The following COL6A1 variants were observed in gnomAD, a reference collection of about 807,000 sequenced individuals.
COL6A1 encodes the protein collagen alpha-1(VI) chain.
A neutral mutation model predicts 145.6 loss-of-function variants in COL6A1; 80 were observed. The observed-to-expected ratio is 0.55, with a 90% CI of 0.46 to 0.66. The LOEUF is 0.66. Ranked by LOEUF, COL6A1 falls within the 30% of genes least tolerant of loss-of-function variation. The probability of loss-of-function intolerance (pLI) is 0.00; values close to 1 mark genes in which losing one functional copy is unlikely to be tolerated. For synonymous variants in COL6A1, 638 were observed against 622.8 expected, an observed-to-expected ratio of 1.02 and a Z score of -0.36; for missense variants, 1,364 against 1,473.8, an observed-to-expected ratio of 0.93 and a Z score of 1.22.
chr21:45,986,576 AC>A lies in COL6A1; in HGVS notation c.484del (p.Leu162TrpfsTer15). ...TACCTGATTGTGGTGACCGACGGGC[AC>A]CCCCTGGAGGGCTACAAGGAACCCT... ...NKYLIVVTDGHPLEGYKEPCG... is the reference protein window; with the variant it reads ...NKYLIVVTDGXPLEGYKEPCG... On this transcript the variant is annotated frameshift_variant, in exon 4 of 35. Transcript: ENST00000361866. LOFTEE classifies it high-confidence loss of function. 1 of 1,563,422 alleles carries A rather than the reference AC, an allele frequency of 6.4e-7. No individual in the cohort carries two copies. Among genetic ancestry groups the A allele is most frequent in the Non-Finnish European group, 8.7e-7 (1 of 1,154,534 alleles).
chr21:45,987,859 G>T (rs1343116901), intron 8 of COL6A1, among the ~76,000 whole-genome samples: 5 of 7,238 alleles, frequency 6.9e-4, no homozygotes, highest in African/African-American at 2.1e-3. Flanking sequence ...GGAGGGGACG[G>T]CGGGGTCCAG....
chr21:45,997,141 C>T (rs1035574536), intron 20 of COL6A1, among the ~76,000 whole-genome samples: 2 of 128,730 alleles, frequency 1.6e-5, no homozygotes, highest in African/African-American at 5.4e-5. Flanking sequence ...ACCAGCCGGG[C>T]GCCCACCAAA....
rs2077859832 is a variant in COL6A1, at chr21:46,003,316, A to T, written c.2465-75A>T. ...GTGCCGTGCCCTCTCTGGGGAGCTT[A>T]GACGCTCTCTGGCCGGCCCACTGCG... is the stretch of plus-strand genomic sequence containing the variant. On this transcript the variant is annotated intron_variant, in intron 34 of 34. Transcript: ENST00000361866. 9 of 1,602,568 alleles carry T rather than the reference A, an allele frequency of 5.6e-6. No individual in the cohort carries two copies. The South Asian group carries it at 9.9e-5, about 18-fold the overall frequency.
chr21:46,002,063 C>G lies in COL6A1; in HGVS notation c.2059C>G (p.Leu687Val), dbSNP rs1321709489. The change falls in exon 31 of 35, where the codon CTC becomes GTC. Residue 687 changes from leucine (L) to valine (V), a missense_variant. Around this residue, in one of 3 missense-constraint regions of COL6A1, gnomAD observed 938 missense variants for 1,003.8 expected, o/e 0.93. Coordinates refer to ENST00000361866, the MANE Select transcript of COL6A1 (RefSeq NM_001848.3). The part of the protein sequence containing the change: ...RSPSIRNVQE[L>V]KEAIKSLQWM... ...CCCCAGCATCCGGAACGTGCAGGAG[C>G]TCAAGGAGTGAGTGCCCCACGCGGC... 6.2e-7 allele frequency: 1 copy of G among 1,611,176 alleles called. No homozygotes were observed. The highest frequency in any genetic ancestry group is 1.7e-5 in the Admixed American group (1 of 59,884).
intron 21 of COL6A1, 41 bp downstream of exon 21, chr21:45,997,524 G>GC (rs1569518669): frequency 1.2e-6 from 2 of 1,600,968 alleles, no homozygotes; most frequent in Admixed American, 1.7e-5. Flanking sequence ...ACCCAGGGGG[G>GC]CCTGAGGATC....
chr21:45,999,545 G>C, intron 26 of COL6A1, 112 bp from the exon 27 acceptor site: 1 of 1,175,926 alleles, frequency 8.5e-7, no homozygotes, highest in Non-Finnish European at 1.2e-6. Flanking sequence ...GGAGGGACCG[G>C]GCAGGGGTGG....
Position 46,000,742 on chromosome 21 carries a change from C to T in COL6A1, c.1814-17C>T, listed in dbSNP as rs1328717590. ...GCGGCCCTGACTGGTCTAACTGACT[C>T]TTTCTCTTCTCCTCAGCTTGCTGTG... On this transcript the variant is annotated splice_polypyrimidine_tract_variant and intron_variant, in intron 28 of 34. Coordinates refer to ENST00000361866, the MANE Select transcript of COL6A1 (RefSeq NM_001848.3). 6.2e-7 allele frequency: 1 copy of T among 1,613,980 alleles called. No individual in the cohort carries two copies.
chr21:45,984,456 C>T lies in COL6A1; in HGVS notation c.415C>T (p.Gln139Ter). 1 of 1,610,606 alleles carries T rather than the reference C, an allele frequency of 6.2e-7. No individual in the cohort carries two copies. Among genetic ancestry groups the T allele is most frequent in the Non-Finnish European group, 8.5e-7 (1 of 1,179,892 alleles). The change falls in exon 3 of 35, where the codon CAG becomes TAG. Residue 139 changes from glutamine (Q) to a stop codon, truncating the protein, a stop_gained. Transcript: ENST00000361866. LOFTEE classifies it high-confidence loss of function. ...CTGCGCTATCAAGAAGGGGCTGGAG[C>T]AGCTCCTCGTGGGGTGAGTGGCCCC... ...TDCAIKKGLE[Q>*]LLVGGSHLKE...
rs774978469 is a variant in COL6A1 at position 45,987,143 on chromosome 21, T to A, written c.718-12T>A. On this transcript the variant is annotated splice_polypyrimidine_tract_variant and intron_variant, in intron 5 of 34. Coordinates refer to ENST00000361866, the MANE Select transcript of COL6A1 (RefSeq NM_001848.3). ...GTGGAAAGTAATTCTGCGTTTCCATTTCTCTTTCCAGAAAAATAACGTGGA... is the reference window on the plus strand; with the variant it reads ...GTGGAAAGTAATTCTGCGTTTCCATATCTCTTTCCAGAAAAATAACGTGGA... The A allele has an allele frequency of 6.3e-7, 1 of 1,597,428 alleles. No homozygotes were observed. Among genetic ancestry groups the A allele is most frequent in the Non-Finnish European group, 8.5e-7 (1 of 1,174,232 alleles).
chr21:45,997,613 G>GTCT, intron 21 of COL6A1, 87 bp from the exon 22 acceptor site: 1 of 1,544,472 alleles, frequency 6.5e-7, no homozygotes, highest in South Asian at 1.2e-5. Context: ...CTCCCGATGG[G>GTCT]ACCTCTCCCG....
intron 19 of COL6A1, among the ~76,000 whole-genome samples, chr21:45,993,367 G>T (rs754086378): frequency 7.2e-5 from 11 of 152,232 alleles, no homozygotes; most frequent in Admixed American, 1.3e-4. Flanking sequence ...TGTGCTGGAT[G>T]TGGGGCGGGG....
In COL6A1 at chr21:46,001,127, A is replaced by G. The variant is rs2077842193; in HGVS notation, c.1823-126A>G. 8.1e-6 allele frequency: 11 copies of G among 1,351,090 alleles called. No homozygotes were observed. The South Asian group carries it at 1.3e-4, about 16-fold the overall frequency. 83.7% of individuals were successfully genotyped at this position (1,351,090 alleles called of 1,614,324 possible). A position where few individuals can be genotyped will look rare whatever the true frequency, so the allele number is the denominator to read the frequency against. On this transcript the variant is annotated intron_variant, in intron 29 of 34. Coordinates refer to ENST00000361866, the MANE Select transcript of COL6A1 (RefSeq NM_001848.3). ...GAGGGGGTGGGCTTTTCTGGGGCTG[A>G]GACGGGGGGACCCCAACGTGTCAGG...
chr21:46,000,872 G>A (rs1041079120), intron 29 of COL6A1, 105 bp downstream of exon 29: 24 of 1,404,750 alleles, frequency 1.7e-5, no homozygotes, highest in Middle Eastern at 1.8e-4. Context: ...TCTGGTCCCC[G>A]CCCGCAGCTC....
Position 45,993,263 on chromosome 21 carries a change from G to A in COL6A1, c.1335+453G>A, listed in dbSNP as rs375819470. ...GAGGCCACCCCCCACCTTCAGCTCC[G>A]TGGACCGTGGGCCTCGCTAGGCCAC... On this transcript the variant is annotated intron_variant, in intron 19 of 34. Transcript: ENST00000361866. Among the ~76,000 whole-genome samples the A allele has an allele frequency of 6.6e-5, 10 of 152,262 alleles. No individual in the cohort carries two copies. The East Asian group carries it at 1.4e-3, about 21-fold the overall frequency.
rs983356013 is a variant in COL6A1, at chr21:45,994,836, G to A, written c.1398+607G>A. Among the ~76,000 whole-genome samples the A allele has an allele frequency of 2.0e-5, 3 of 152,180 alleles. No homozygotes were observed. The highest frequency in any genetic ancestry group is 6.5e-5 in the Admixed American group (1 of 15,278). On this transcript the variant is annotated intron_variant, in intron 20 of 34. Transcript: ENST00000361866. The surrounding 1 kb of genome is among the most constrained non-coding windows in gnomAD (Gnocchi z 6.8). ...CTGGGCTGGGCCGTTGCATCCTCCC[G>A]GAGCTCACCTGCCCCACGGGGACAG...
chr21:46,000,188 G>A (rs931917049), intron 27 of COL6A1, 143 bp from the exon 28 acceptor site: 19 of 897,508 alleles, frequency 2.1e-5, no homozygotes, highest in Middle Eastern at 2.6e-4. Context: ...AGTGGGCAGA[G>A]CCGGGCACAC....
chr21:45,989,470 C>A, intron 9 of COL6A1, 138 bp from the exon 10 acceptor site: 1 of 927,446 alleles, frequency 1.1e-6, no homozygotes, highest in Non-Finnish European at 1.7e-6. Flanking sequence ...AGGGCCTCGG[C>A]ACCATGGGCC....
Position 45,992,156 on chromosome 21 carries a change from C to T in COL6A1, c.1183-8C>T. 3 of 1,613,628 alleles carry T rather than the reference C, an allele frequency of 1.9e-6. No individual in the cohort carries two copies. Among genetic ancestry groups the T allele is most frequent in the South Asian group, 2.2e-5 (2 of 91,082 alleles). The stretch of plus-strand genomic sequence containing the variant: ...ATGGAGCGACCATTCAACCCTTGTT[C>T]CCCACAGGGCCAGCCGGGAGAGCCT... On this transcript the variant is annotated splice_region_variant and splice_polypyrimidine_tract_variant and intron_variant, in intron 16 of 34. Coordinates refer to ENST00000361866, the MANE Select transcript of COL6A1 (RefSeq NM_001848.3).
At chr21:45,987,558 C>A (rs541060504) in intron 7 of COL6A1, 39 bp downstream of exon 7, 7 of 1,612,628 alleles carry the variant, frequency 4.3e-6, no homozygotes, top group South Asian at 1.1e-5. Flanking sequence ...GCGCCCTGCA[C>A]CCTGGGAACC....
Sources: allele counts gnomAD v4.1 joint callset (sites outside exome capture counted in the v4.1 genomes callset), GRCh38; gene constraint gnomAD v4.1.1; regional missense constraint gnomAD v4.1.1; non-coding constraint Gnocchi (gnomAD v3.1); transcripts MANE v1.5; gene names NCBI Gene and HGNC (gene_info 2026-07-23, HGNC 2026-07-21).